The following F13A1 variants were observed in gnomAD, a reference collection of about 807,000 sequenced individuals.
F13A1 encodes coagulation factor XIII A chain, also known as FSF, A subunit.
A neutral mutation model predicts 80.1 loss-of-function variants in F13A1; 47 were observed. That is an observed-to-expected ratio of 0.59 (90% confidence interval 0.46 to 0.75). F13A1 has a LOEUF of 0.75. F13A1 is among the 30% of genes least tolerant of loss of function. The probability of loss-of-function intolerance (pLI) is 0.00; values close to 1 mark genes in which losing one functional copy is unlikely to be tolerated. For synonymous variants in F13A1, 349 were observed against 344.9 expected (o/e 1.01, Z -0.13); for missense variants, 817 against 930.4 (o/e 0.88, Z 1.59).
At chr6:6,253,153 AAAAAAAAAAAG>A (rs1270415057) in intron 4 of F13A1, among the ~76,000 whole-genome samples, 15 of 143,398 alleles carry the variant, frequency 1.0e-4, no homozygotes, top group Non-Finnish European at 1.5e-4. Context: ...AAAAAAAAAA[AAAAAAAAAAAG>A]AGAGAGAGAG....
At chr6:6,283,678 T>A (rs1758097214) in intron 3 of F13A1, among the ~76,000 whole-genome samples, 2 of 152,234 alleles carry the variant, frequency 1.3e-5, no homozygotes, top group South Asian at 4.1e-4. Context: ...CTTCCTTTTT[T>A]TTTTCCATCA....
chr6:6,228,532 A>C (rs1344730498), intron 6 of F13A1, among the ~76,000 whole-genome samples: 1 of 152,044 alleles, frequency 6.6e-6, no homozygotes, highest in African/African-American at 2.4e-5. Context: ...TCAGGAATTC[A>C]AGACCAGCCT....
chr6:6,267,998 CA>C (rs1757868950), intron 3 of F13A1, among the ~76,000 whole-genome samples: 1 of 152,206 alleles, frequency 6.6e-6, no homozygotes, highest in Non-Finnish European at 1.5e-5. Flanking sequence ...ATTAAGACTT[CA>C]AAGACTCATA....
intron 12 of F13A1, among the ~76,000 whole-genome samples, chr6:6,171,845 C>T (rs572087837): frequency 2.6e-5 from 4 of 152,322 alleles, no homozygotes; most frequent in South Asian, 2.1e-4. Context: ...ATGCTCTGGC[C>T]CCAGGGCCTT....
intron 3 of F13A1, among the ~76,000 whole-genome samples, chr6:6,296,958 G>T (rs1267845): frequency 2.1e-5 from 3 of 142,096 alleles, no homozygotes; most frequent in South Asian, 2.2e-4. Context: ...TAGCATGAAG[G>T]GTTGTTGAAT....
chr6:6,183,386 A>G (rs1297847006), intron 10 of F13A1, among the ~76,000 whole-genome samples: 3 of 152,262 alleles, frequency 2.0e-5, no homozygotes, highest in African/African-American at 7.2e-5. Flanking sequence ...GTATTGCCAG[A>G]TATTGTTTAA....
At chr6:6,208,418 G>A (rs1043187489) in intron 8 of F13A1, among the ~76,000 whole-genome samples, 2 of 152,122 alleles carry the variant, frequency 1.3e-5, no homozygotes, top group African/African-American at 4.8e-5. Flanking sequence ...AGTTGATGAA[G>A]TATATTAACA....
chr6:6,224,619 A>G, intron 7 of F13A1, 67 bp downstream of exon 7: 1 of 1,455,256 alleles, frequency 6.9e-7, no homozygotes, highest in Non-Finnish European at 9.6e-7. Context: ...TTGTTAGGTT[A>G]TAGAAAAAAT....
At chr6:6,231,382 A>G (rs925558788) in intron 6 of F13A1, among the ~76,000 whole-genome samples, 2 of 152,188 alleles carry the variant, frequency 1.3e-5, no homozygotes, top group African/African-American at 4.8e-5. Flanking sequence ...GACAAAGGAA[A>G]AGGAATAAGA....
At chr6:6,220,570 TG>T (rs1757178342) in intron 8 of F13A1, among the ~76,000 whole-genome samples, 2 of 149,478 alleles carry the variant, frequency 1.3e-5, no homozygotes, top group African/African-American at 5.0e-5. Flanking sequence ...TGTCTGTCTG[TG>T]TGTGTGTGTG....
chr6:6,235,818 C>T (rs1363581599), intron 6 of F13A1, among the ~76,000 whole-genome samples: 1 of 152,060 alleles, frequency 6.6e-6, no homozygotes, highest in Non-Finnish European at 1.5e-5. Context: ...TACGTCTATA[C>T]AAAGACTTTT....
chr6:6,297,141 C>T (rs1020149600), intron 3 of F13A1, among the ~76,000 whole-genome samples: 30 of 149,434 alleles, frequency 2.0e-4, no homozygotes, highest in Admixed American at 4.0e-4. Flanking sequence ...CTGCTGGATT[C>T]GGTTTGCCAG....
At chr6:6,178,471 T>C (rs1760923723) in intron 11 of F13A1, among the ~76,000 whole-genome samples, 1 of 151,674 alleles carries the variant, frequency 6.6e-6, no homozygotes, top group South Asian at 2.1e-4. Flanking sequence ...TTCACCAGAG[T>C]AGGGGGAGTG....
rs140380139 is a variant in F13A1, at chr6:6,150,099, G to T, written c.2045+1714C>A. ...CCTTGACCAAGGTGGAATTCTAGGG[G>T]GATAGCCAAGGTGTAAAGATAGAGA... On this transcript the variant is annotated intron_variant, in intron 14 of 14. Transcript: ENST00000264870. Among the ~76,000 whole-genome samples the T allele has an allele frequency of 3.6e-4, 55 of 152,274 alleles. 1 individual carries two copies. In the East Asian group the frequency reaches 0.01, roughly 29 times the overall value.
chr6:6,152,318 C>G (rs1184024124), intron 13 of F13A1, among the ~76,000 whole-genome samples: 2 of 152,144 alleles, frequency 1.3e-5, no homozygotes, highest in East Asian at 3.8e-4. Context: ...AAGTTTCCTG[C>G]TGGGACAAAG....
At chr6:6,186,073 G>A (rs1425230614) in intron 10 of F13A1, among the ~76,000 whole-genome samples, 1 of 150,722 alleles carries the variant, frequency 6.6e-6, no homozygotes, top group Non-Finnish European at 1.5e-5. Flanking sequence ...GGGGTTGTTT[G>A]TTTTTTTCTT....
intron 7 of F13A1, among the ~76,000 whole-genome samples, chr6:6,222,895 G>A (rs1757216279): frequency 6.6e-6 from 1 of 152,148 alleles, no homozygotes; most frequent in Admixed American, 6.5e-5. Context: ...ACTGGAGTCT[G>A]GTAGAGATTC....
intron 3 of F13A1, among the ~76,000 whole-genome samples, chr6:6,301,362 G>A (rs1758428747): frequency 6.6e-6 from 1 of 152,194 alleles, no homozygotes. Context: ...AAATAGTAGA[G>A]TGTGGAATTT....
chr6:6,145,903 C>A, intron 14 of F13A1, 131 bp from the exon 15 acceptor site: 1 of 1,219,864 alleles, frequency 8.2e-7, no homozygotes, highest in South Asian at 1.3e-5. Context: ...TGAAGACTCT[C>A]ACTGGCTGAT....
Sources: gnomAD v4.1 joint callset for allele counts (sites outside exome capture counted in the v4.1 genomes callset) on GRCh38, gnomAD v4.1.1 for gene constraint, MANE v1.5 for transcripts, NCBI Gene and HGNC (gene_info 2026-07-23, HGNC 2026-07-21) for gene names.